The following HS2ST1 variants were observed in gnomAD, a reference collection of about 807,000 sequenced individuals.
HS2ST1 encodes heparan sulfate 2-O-sulfotransferase 1, also known as 2-O-sulfotransferase.
A neutral mutation model predicts 42.9 loss-of-function variants in HS2ST1; 18 were observed. That is an observed-to-expected ratio of 0.42 (90% CI 0.29 to 0.62). The LOEUF (loss-of-function observed/expected upper bound fraction) is 0.62. Among genes scored for constraint, HS2ST1 ranks in the 20% least tolerant of loss-of-function variants. The pLI, the probability that HS2ST1 is intolerant of heterozygous loss-of-function variation, is 0.21. For missense variants in HS2ST1, 334 were observed against 433.8 expected (o/e 0.77, Z 2.04); for synonymous variants, 146 against 152.9 (o/e 0.95, Z 0.33).
At chr1:87,039,055 A>C (rs1223000508) in intron 1 of HS2ST1, among the ~76,000 whole-genome samples, 3 of 152,192 alleles carry the variant, frequency 2.0e-5, no homozygotes, top group African/African-American at 7.2e-5. Flanking sequence ...CTTTGGCTGA[A>C]CCCTGTACTG....
At chr1:86,924,111 T>C (rs1187386510) in intron 1 of HS2ST1, among the ~76,000 whole-genome samples, 1 of 152,088 alleles carries the variant, frequency 6.6e-6, no homozygotes, top group Non-Finnish European at 1.5e-5. Context: ...AAAACAAAGG[T>C]GTTACAGGCC....
chr1:87,031,929 A>G (rs779945419), intron 1 of HS2ST1, among the ~76,000 whole-genome samples: 3 of 152,192 alleles, frequency 2.0e-5, no homozygotes, highest in Non-Finnish European at 4.4e-5. Context: ...TTCAACCACC[A>G]TATTATGACT....
At chr1:87,002,629 A>G (rs945290238) in intron 1 of HS2ST1, among the ~76,000 whole-genome samples, 2 of 147,670 alleles carry the variant, frequency 1.4e-5, no homozygotes, top group African/African-American at 5.3e-5. Context: ...AAAAAGAAAA[A>G]GAAAAAAAAG....
intron 1 of HS2ST1, among the ~76,000 whole-genome samples, chr1:86,964,238 C>T (rs1302672007): frequency 2.3e-4 from 35 of 152,266 alleles, no homozygotes; most frequent in African/African-American, 7.5e-4. Flanking sequence ...GACGGGGTGG[C>T]GGCCAGGCAG....
chr1:86,972,068 A>C (rs1013624432), intron 1 of HS2ST1, among the ~76,000 whole-genome samples: 1 of 152,366 alleles, frequency 6.6e-6, no homozygotes, highest in East Asian at 1.9e-4. Flanking sequence ...ACAATTAACC[A>C]TAGAGTTTCA....
chr1:86,960,553 C>T (rs1647808462), intron 1 of HS2ST1, among the ~76,000 whole-genome samples: 1 of 152,156 alleles, frequency 6.6e-6, no homozygotes, highest in Non-Finnish European at 1.5e-5. Flanking sequence ...AAAGAACTGG[C>T]ATCCAAAAAT....
intron 1 of HS2ST1, among the ~76,000 whole-genome samples, chr1:86,969,238 T>A (rs1648159458): frequency 6.6e-6 from 1 of 152,254 alleles, no homozygotes; most frequent in African/African-American, 2.4e-5. Context: ...TAACCTCAGT[T>A]ATAAGTCCCT....
chr1:87,066,207 T>TA (rs1651246135), intron 1 of HS2ST1, among the ~76,000 whole-genome samples: 1 of 152,246 alleles, frequency 6.6e-6, no homozygotes, highest in African/African-American at 2.4e-5. Flanking sequence ...TGTTACCTTT[T>TA]AAAAGAATTG....
At chr1:86,990,812 T>TATA in intron 1 of HS2ST1, among the ~76,000 whole-genome samples, 9 of 10,254 alleles carry the variant, frequency 8.8e-4, no homozygotes, top group Non-Finnish European at 2.2e-3. Context: ...CTGGCTAATT[T>TATA]TATATATATA....
chr1:87,086,749 A>G (rs1651826206), intron 3 of HS2ST1, among the ~76,000 whole-genome samples: 1 of 151,934 alleles, frequency 6.6e-6, no homozygotes, highest in Non-Finnish European at 1.5e-5. Flanking sequence ...TCTTTTTTAC[A>G]TTTTTGCATT....
chr1:87,046,649 C>G, intron 1 of HS2ST1: 1 of 1,528,956 alleles, frequency 6.5e-7, no homozygotes, highest in East Asian at 2.3e-5. Flanking sequence ...ATCAGATCAA[C>G]AGAATGAACC....
At chr1:87,006,863 C>T (rs1488338208) in intron 1 of HS2ST1, among the ~76,000 whole-genome samples, 4 of 152,040 alleles carry the variant, frequency 2.6e-5, no homozygotes, top group South Asian at 2.1e-4. Context: ...TGAGTTAGAG[C>T]GATAAGGACA....
chr1:87,045,008 G>C, intron 1 of HS2ST1: 2 of 1,540,678 alleles, frequency 1.3e-6, no homozygotes, highest in Admixed American at 3.3e-5. Flanking sequence ...TCTCTTTCTC[G>C]TCTGATTTCC....
In HS2ST1 at chr1:87,073,022, A is replaced by G. The variant is rs780439358; in HGVS notation, c.213A>G (p.Glu71=). The part of the protein sequence containing the change: ...GPRQDATLDE[E]EDMVIIYNRV... ...GGCAAGATGCCACTTTAGATGAGGA[A>G]GAGGACATGGTGATCATTTATAACA... Residue 71 remains glutamate, a synonymous_variant, in exon 2 of 7, where the codon GAA becomes GAG. Coordinates refer to ENST00000370550, the MANE Select transcript of HS2ST1 (RefSeq NM_012262.4). The G allele has an allele frequency of 1.2e-6, 2 of 1,613,980 alleles. No individual in the cohort carries two copies. The highest frequency in any genetic ancestry group is 1.7e-6 in the Non-Finnish European group (2 of 1,179,980).
chr1:86,917,197 A>G (rs1409505274), intron 1 of HS2ST1, among the ~76,000 whole-genome samples: 2 of 152,156 alleles, frequency 1.3e-5, no homozygotes, highest in African/African-American at 2.4e-5. Flanking sequence ...CATCGTAGAT[A>G]CTCGTGTTTA....
At chr1:87,102,751 T>C (rs1040001422) in intron 5 of HS2ST1, among the ~76,000 whole-genome samples, 1 of 152,146 alleles carries the variant, frequency 6.6e-6, no homozygotes, top group Non-Finnish European at 1.5e-5. Context: ...CCCCTCCCCC[T>C]CTTTGTTTTT....
chr1:86,930,528 C>T (rs575044333), intron 1 of HS2ST1, among the ~76,000 whole-genome samples: 3 of 151,796 alleles, frequency 2.0e-5, no homozygotes, highest in African/African-American at 4.8e-5. Context: ...CTTAAGCATA[C>T]GTTAGTCTGG....
chr1:86,923,290 C>T (rs1406856446), intron 1 of HS2ST1, among the ~76,000 whole-genome samples: 1 of 152,038 alleles, frequency 6.6e-6, no homozygotes, highest in Non-Finnish European at 1.5e-5. Context: ...ATTGGACTTA[C>T]AGTTCACATG....
chr1:87,070,833 T>A (rs1651384644), intron 1 of HS2ST1, among the ~76,000 whole-genome samples: 1 of 152,206 alleles, frequency 6.6e-6, no homozygotes, highest in Non-Finnish European at 1.5e-5. Flanking sequence ...GCCTTTTAAA[T>A]ATTGGTATCA....
Sources: gnomAD v4.1 joint callset for allele counts (sites outside exome capture counted in the v4.1 genomes callset) on GRCh38, gnomAD v4.1.1 for gene constraint, MANE v1.5 for transcripts, NCBI Gene and HGNC (gene_info 2026-07-23, HGNC 2026-07-21) for gene names.